The following CPNE9 variants were observed in gnomAD, a reference collection of about 807,000 sequenced individuals.
CPNE9 encodes the protein copine family member 9.
In CPNE9, 59 loss-of-function variants were observed where a neutral mutation model predicts 83.0. The ratio of observed to expected loss-of-function variants is 0.71; its 90% CI spans 0.58 to 0.88. The LOEUF (loss-of-function observed/expected upper bound fraction) is 0.88. Among genes scored for constraint, CPNE9 ranks in the 40% least tolerant of loss-of-function variants. The probability of loss-of-function intolerance (pLI) is 0.00; values close to 1 mark genes in which losing one functional copy is unlikely to be tolerated. For missense variants in CPNE9, 619 were observed against 720.8 expected (o/e 0.86, Z 1.62); for synonymous variants, 256 against 273.4 (o/e 0.94, Z 0.63).
Position 9,717,040 on chromosome 3 carries a change from C to A in CPNE9, c.885-18C>A, listed in dbSNP as rs758677926. The A allele has an allele frequency of 6.2e-7, 1 of 1,613,772 alleles. No homozygotes were observed. Among genetic ancestry groups the A allele is most frequent in the Non-Finnish European group, 8.5e-7 (1 of 1,179,630 alleles). ...ATCATTAGTTCCTCACTTCTCAATTCATCTGCTTCCCCAACAGGACACAGC... is the reference window on the plus strand; with the variant it reads ...ATCATTAGTTCCTCACTTCTCAATTAATCTGCTTCCCCAACAGGACACAGC... On this transcript the variant is annotated intron_variant, in intron 14 of 20. Transcript: ENST00000383832.
intron 20 of CPNE9, chr3:9,727,476 T>A (rs1015209781): frequency 1.4e-6 from 1 of 708,754 alleles, no homozygotes; most frequent in Non-Finnish European, 2.6e-6. Flanking sequence ...TGATAAGTAC[T>A]CCAGAGGAAT....
At chr3:9,705,783 G>C in intron 6 of CPNE9, 63 bp downstream of exon 6, 1 of 1,563,256 alleles carries the variant, frequency 6.4e-7, no homozygotes, top group Non-Finnish European at 8.8e-7. Context: ...GAACAGGCTT[G>C]GACTGATGAC....
chr3:9,727,145 G>T lies in CPNE9; in HGVS notation c.1435G>T (p.Val479Leu), dbSNP rs199631146. Residue 479 changes from valine to leucine, a missense_variant, in exon 20 of 21, where the codon GTG becomes TTG. Transcript: ENST00000383832. ...MEELDGDDVRVSSRGRYAERD... is the reference protein window; with the variant it reads ...MEELDGDDVRLSSRGRYAERD... ...AGAGTTGGACGGTGATGATGTGCGC[G>T]TGTCCTCTAGGGGACGCTACGCAGA... 6.2e-7 allele frequency: 1 copy of T among 1,614,180 alleles called. No homozygotes were observed. Among genetic ancestry groups the T allele is most frequent in the East Asian group, 2.2e-5 (1 of 44,872 alleles).
chr3:9,707,717 T>G (rs2076578301), intron 7 of CPNE9, among the ~76,000 whole-genome samples: 1 of 140,156 alleles, frequency 7.1e-6, no homozygotes, highest in South Asian at 2.4e-4. Flanking sequence ...CCCAGGAGTT[T>G]AAACTCCTGG....
chr3:9,715,007 C>T (rs757617710), intron 11 of CPNE9, 52 bp downstream of exon 11: 49 of 1,534,296 alleles, frequency 3.2e-5, no homozygotes, highest in Non-Finnish European at 4.3e-5. Flanking sequence ...AAGCAGTTCT[C>T]AATAATATGT....
intron 17 of CPNE9, among the ~76,000 whole-genome samples, chr3:9,720,162 A>G (rs1231943686): frequency 6.6e-6 from 1 of 152,066 alleles, no homozygotes; most frequent in Non-Finnish European, 1.5e-5. Flanking sequence ...AAACATAAAT[A>G]AGCTCTGTTT....
At chr3:9,705,419 T>TCCG in intron 4 of CPNE9, 45 bp from the exon 5 acceptor site, 3 of 662,640 alleles carry the variant, frequency 4.5e-6, no homozygotes, top group Non-Finnish European at 8.0e-6. Context: ...TTCCACCCTC[T>TCCG]CCCCCACCCA....
At chr3:9,711,126 G>A (rs116697776) in intron 7 of CPNE9, among the ~76,000 whole-genome samples, 2,415 of 152,240 alleles carry the variant, frequency 0.016, 62 homozygotes, top group African/African-American at 0.055. Context: ...AGGTGGTAAG[G>A]GAGAACATCA....
rs759711014 is a variant in CPNE9 at position 9,729,618 on chromosome 3, C to T, written c.1588C>T (p.Arg530Cys). The T allele has an allele frequency of 8.7e-6, 14 of 1,614,026 alleles. No individual in the cohort carries two copies. The highest frequency in any genetic ancestry group is 1.7e-5 in the Admixed American group (1 of 59,998). ...CCCGGAGCAGCTGCTGTCCTATATG[C>T]GCACCAGAGACATCCAGCCTCGGCC... ...EIPEQLLSYM[R>C]TRDIQPRPPP... The change falls in exon 21 of 21, where the codon CGC (arginine) becomes TGC (cysteine). Residue 530 changes from arginine (R) to cysteine (C), a missense_variant. Transcript: ENST00000383832.
rs1559647422 is a variant in CPNE9 at position 9,727,514 on chromosome 3, C to A, written c.1476+328C>A. 3 of 681,062 alleles carry A rather than the reference C, an allele frequency of 4.4e-6. No homozygotes were observed. In the East Asian group the frequency reaches 8.1e-5, roughly 18 times the overall value. 42.2% of individuals were successfully genotyped at this position (681,062 alleles called of 1,614,324 possible). On this transcript the variant is annotated intron_variant, in intron 20 of 20. Transcript: ENST00000383832. The stretch of plus-strand genomic sequence containing the variant: ...CAAATGCCACTGTGAGAGCCTGTAA[C>A]AGGGACCTAACATAGGTACAGTAGT...
At chr3:9,724,838 C>T (rs1327318815) in intron 17 of CPNE9, among the ~76,000 whole-genome samples, 3 of 151,754 alleles carry the variant, frequency 2.0e-5, no homozygotes, top group Non-Finnish European at 4.4e-5. Context: ...CTCACTGCAA[C>T]CTCTGCCTGC....
Position 9,703,994 on chromosome 3 carries a change from G to T in CPNE9, c.-3G>T. ...TCCTGCGGCTCTGGTCGCCCGACCA[G>T]CCATGTCTCTCGGCGGAGCCTCCGA... is the stretch of plus-strand genomic sequence containing the variant. On this transcript the variant is annotated 5_prime_UTR_variant, in exon 1 of 21. Coordinates refer to ENST00000383832, the MANE Select transcript of CPNE9 (RefSeq NM_153635.3). The T allele has an allele frequency of 6.2e-7, 1 of 1,603,864 alleles. No individual in the cohort carries two copies. The highest frequency in any genetic ancestry group is 1.1e-5 in the South Asian group (1 of 89,800).
In CPNE9 at chr3:9,706,046, A is replaced by G; in HGVS notation, c.360A>G (p.Arg120=). Residue 120 remains arginine (R), a synonymous_variant, in exon 7 of 21, where the codon CGA becomes CGG. Transcript: ENST00000383832. The part of the protein sequence containing the change: ...LGEVIGGQGS[R]VERTLTGVPG... ...AGGTGATTGGAGGCCAGGGCAGCCG[A>G]GTAGAGCGAACCCTCACGTAAGCTG... 1.9e-6 allele frequency: 3 copies of G among 1,613,554 alleles called. No individual in the cohort carries two copies. Among genetic ancestry groups the G allele is most frequent in the Non-Finnish European group, 1.7e-6 (2 of 1,179,974 alleles).
chr3:9,709,076 C>A (rs548924398), intron 7 of CPNE9, among the ~76,000 whole-genome samples: 2 of 151,002 alleles, frequency 1.3e-5, no homozygotes, highest in East Asian at 2.1e-4. Flanking sequence ...GAGTTCCAGA[C>A]CAGCCTGGCC....
intron 7 of CPNE9, among the ~76,000 whole-genome samples, chr3:9,710,891 GT>G (rs1470465306): frequency 1.3e-5 from 2 of 152,086 alleles, no homozygotes; most frequent in African/African-American, 2.4e-5. Context: ...TTAGCCAGGT[GT>G]AGTGTGTGCA....
intron 17 of CPNE9, among the ~76,000 whole-genome samples, chr3:9,725,589 T>C (rs2076770398): frequency 6.6e-6 from 1 of 150,382 alleles, no homozygotes; most frequent in South Asian, 2.1e-4. Context: ...TATATGTGTA[T>C]ATATATGTGT....
intron 11 of CPNE9, 92 bp from the exon 12 acceptor site, chr3:9,715,197 A>G: frequency 7.3e-7 from 1 of 1,376,808 alleles, no homozygotes; most frequent in Non-Finnish European, 1.0e-6. Flanking sequence ...CAGCCTAAGT[A>G]GGGGCTTAGG....
Position 9,729,805 on chromosome 3 carries a change from A to C in CPNE9, c.*113A>C. The C allele has an allele frequency of 2.1e-6, 3 of 1,434,290 alleles. No individual in the cohort carries two copies. In the South Asian group the frequency reaches 4.2e-5, roughly 20 times the overall value. 88.8% of individuals were successfully genotyped at this position (1,434,290 alleles called of 1,614,324 possible). On this transcript the variant is annotated 3_prime_UTR_variant, in exon 21 of 21. Coordinates refer to ENST00000383832, the MANE Select transcript of CPNE9 (RefSeq NM_153635.3). The stretch of plus-strand genomic sequence containing the variant: ...TTCACTGGGAGGGCCAACTTGGAGG[A>C]TCAGTGCTGGCTGACAAGCCCTCCG...
At chr3:9,724,188 CTTTTTTT>C (rs201939446) in intron 17 of CPNE9, among the ~76,000 whole-genome samples, 1 of 136,460 alleles carries the variant, frequency 7.3e-6, no homozygotes, top group African/African-American at 2.7e-5. Context: ...CTCTCTAGGT[CTTTTTTT>C]TTTTTTTTTT....
Sources: allele counts gnomAD v4.1 joint callset (sites outside exome capture counted in the v4.1 genomes callset), GRCh38; gene constraint gnomAD v4.1.1; transcripts MANE v1.5; gene names NCBI Gene and HGNC (gene_info 2026-07-23, HGNC 2026-07-21).